PCDHA4: variants seen among roughly 807,000 people sequenced by gnomAD.
PCDHA4 encodes protocadherin alpha 4.
In PCDHA4, 49 loss-of-function variants were observed where a neutral mutation model predicts 61.4. The observed-to-expected ratio is 0.80, with a 90% CI of 0.63 to 1.01. The LOEUF (loss-of-function observed/expected upper bound fraction) is 1.01, where lower values mean the gene tolerates loss of function less well. PCDHA4 is among the 50% of genes least tolerant of loss of function. PCDHA4 has a pLI of 0.00. For synonymous variants in PCDHA4, 590 were observed against 550.3 expected, an observed-to-expected ratio of 1.07 and a Z score of -1.01; for missense variants, 1,254 against 1,235.8, an observed-to-expected ratio of 1.01 and a Z score of -0.22.
intron 1 of PCDHA4, among the ~76,000 whole-genome samples, chr5:140,818,143 A>G (rs1554127393): frequency 6.6e-6 from 1 of 152,256 alleles, no homozygotes; most frequent in African/African-American, 2.4e-5. Context: ...GTATGCCTTC[A>G]AATACGGCTT....
chr5:140,824,247 C>A (rs1379279128), intron 1 of PCDHA4: 2 of 1,431,764 alleles, frequency 1.4e-6, no homozygotes, highest in South Asian at 1.2e-5. Flanking sequence ...TTGTGGTACA[C>A]AATTATTGCA....
At position 140,814,356 on chromosome 5, in the gene PCDHA4, C is replaced by T. The variant is rs2150035984; in HGVS notation, c.2385+4784C>T. On this transcript the variant is annotated intron_variant, in intron 1 of 3. Transcript: ENST00000530339. ...TGGAAGGTCTTCTGGGGCAGTTACA[C>T]ATGCGATGCTATCATCTCCTATGAT... 1.3e-5 allele frequency: 2 copies of T among 152,124 alleles called. 1 individual carries two copies. Among genetic ancestry groups the T allele is most frequent in the African/African-American group, 4.8e-5 (2 of 41,516 alleles). 9.4% of individuals were successfully genotyped at this position (152,124 alleles called of 1,614,324 possible). A position where few individuals can be genotyped will look rare whatever the true frequency, so the allele number is the denominator to read the frequency against.
At chr5:140,875,931 T>C in intron 1 of PCDHA4, 1 of 1,614,176 alleles carries the variant, frequency 6.2e-7, no homozygotes, top group South Asian at 1.1e-5. Flanking sequence ...CTCATTTTCC[T>C]CTAGAGGGCG....
At position 140,829,707 on chromosome 5, in the gene PCDHA4, AC is replaced by A. The variant is rs2150172944; in HGVS notation, c.2385+20136del. On this transcript the variant is annotated intron_variant, in intron 1 of 3. Transcript: ENST00000530339. ...CTGCAGTTTCAGGTGAGCGCGCGCG[AC>A]GCGGGCGTGCCGCCTCTGGGCAGCA... is the stretch of plus-strand genomic sequence containing the variant. 3.1e-6 allele frequency: 5 copies of A among 1,613,270 alleles called. No individual in the cohort carries two copies. In the East Asian group the frequency reaches 1.1e-4, roughly 36 times the overall value.
intron 1 of PCDHA4, among the ~76,000 whole-genome samples, chr5:140,919,099 C>T (rs972213897): frequency 4.6e-5 from 7 of 152,126 alleles, no homozygotes; most frequent in Non-Finnish European, 7.4e-5. Context: ...CTATTTCTCC[C>T]TTCATTTCTG....
chr5:140,903,275 T>A (rs1313552617), intron 1 of PCDHA4, among the ~76,000 whole-genome samples: 1 of 152,210 alleles, frequency 6.6e-6, no homozygotes, highest in East Asian at 1.9e-4. Flanking sequence ...TGAGGTAGTG[T>A]CTCATTGTGC....
intron 1 of PCDHA4, among the ~76,000 whole-genome samples, chr5:140,947,967 T>C (rs565128955): frequency 1.2e-4 from 18 of 151,462 alleles, no homozygotes; most frequent in Non-Finnish European, 2.2e-4. Flanking sequence ...ATTAAGTATG[T>C]GCTACTCATA....
chr5:140,812,388 C>T (rs2126638236), intron 1 of PCDHA4: 2 of 152,014 alleles, frequency 1.3e-5, no homozygotes, highest in Non-Finnish European at 2.9e-5. Flanking sequence ...TTTTCTTAGT[C>T]TAGCTAAGGG....
intron 1 of PCDHA4, chr5:140,834,307 G>C: frequency 7.5e-7 from 1 of 1,341,606 alleles, no homozygotes; most frequent in South Asian, 1.4e-5. Flanking sequence ...CATCGAGATT[G>C]AAATGAAGGG....
rs145079458 is a variant in PCDHA4, at chr5:140,855,999, T to C, written c.2385+46427T>C. 135 of 1,513,714 alleles carry C rather than the reference T, an allele frequency of 8.9e-5. 2 individuals are homozygous for C. The East Asian group carries it at 2.5e-3, about 28-fold the overall frequency. 93.8% of individuals were successfully genotyped at this position (1,513,714 alleles called of 1,614,324 possible). On this transcript the variant is annotated intron_variant, in intron 1 of 3. Transcript: ENST00000530339. ...AGGACAGAAAATGTCAGATCGTATG[T>C]GCGTTCTAGACCGCTGATTCGTCGA... is the stretch of plus-strand genomic sequence containing the variant.
rs2150354067 is a variant in PCDHA4 at position 140,843,158 on chromosome 5, C to A, written c.2385+33586C>A. On this transcript the variant is annotated intron_variant, in intron 1 of 3. Transcript: ENST00000530339. ...CGCGTGGCTTTCGTATGAGCTGCAG[C>A]CAGCTGCAAGCAGCCCTCGCATCCC... is the stretch of plus-strand genomic sequence containing the variant. The A allele has an allele frequency of 1.0e-4, 163 of 1,596,026 alleles. 13 individuals carry two copies. In the South Asian group the frequency reaches 1.7e-3, roughly 16 times the overall value.
chr5:140,845,010 T>G (rs2150375748), intron 1 of PCDHA4, among the ~76,000 whole-genome samples: 12 of 149,368 alleles, frequency 8.0e-5, no homozygotes, highest in Non-Finnish European at 1.0e-4. Context: ...GAACAAATAA[T>G]GTAATCATTT....
chr5:140,979,146 TC>T (rs2096836943), intron 2 of PCDHA4, 139 bp downstream of exon 2: 2 of 1,444,078 alleles, frequency 1.4e-6, no homozygotes, highest in African/African-American at 2.9e-5. Context: ...AATTATTTTG[TC>T]CCCATGTTTA....
intron 1 of PCDHA4, among the ~76,000 whole-genome samples, chr5:140,961,529 T>C (rs1208334511): frequency 2.6e-5 from 4 of 152,244 alleles, no homozygotes; most frequent in Admixed American, 1.3e-4. Flanking sequence ...AAATTCTAGA[T>C]AGACTGTTCC....
chr5:140,837,248 CTTTT>C (rs1379591542), intron 1 of PCDHA4: 2 of 152,172 alleles, frequency 1.3e-5, no homozygotes, highest in African/African-American at 2.4e-5. Flanking sequence ...TATTTATCTT[CTTTT>C]TATCATATTT....
chr5:140,808,155 T>G lies in PCDHA4; in HGVS notation c.968T>G (p.Ile323Ser). ...SKSYEIIVEG[I>S]DKGQLPLSGH... Reference sequence around the variant, plus strand: ...TCCTATGAAATTATTGTAGAGGGCATTGATAAGGGACAGCTCCCACTTTCT... The same window carrying G: ...TCCTATGAAATTATTGTAGAGGGCAGTGATAAGGGACAGCTCCCACTTTCT... The change falls in exon 1 of 4, where the codon ATT (isoleucine) becomes AGT (serine). Residue 323 changes from isoleucine to serine, a missense_variant. By Grantham distance (142) the Ile-to-Ser change is moderately radical. Coordinates refer to ENST00000530339, the MANE Select transcript of PCDHA4 (RefSeq NM_018907.4). 1.2e-6 allele frequency: 2 copies of G among 1,614,186 alleles called. No homozygotes were observed. The highest frequency in any genetic ancestry group is 1.7e-6 in the Non-Finnish European group (2 of 1,179,994).
chr5:140,944,853 C>T (rs1230548858), intron 1 of PCDHA4, among the ~76,000 whole-genome samples: 1 of 152,118 alleles, frequency 6.6e-6, no homozygotes, highest in East Asian at 1.9e-4. Context: ...TTAGAATCAT[C>T]CTTATTTATC....
intron 1 of PCDHA4, among the ~76,000 whole-genome samples, chr5:140,905,708 C>T (rs1372981287): frequency 1.1e-4 from 16 of 152,092 alleles, no homozygotes; most frequent in Non-Finnish European, 1.6e-4. Context: ...TTATGATTTC[C>T]TTCAGCAGTG....
intron 1 of PCDHA4, among the ~76,000 whole-genome samples, chr5:140,956,940 T>G (rs1446313251): frequency 6.7e-6 from 1 of 150,168 alleles, no homozygotes; most frequent in Non-Finnish European, 1.5e-5. Flanking sequence ...AGGATAAAAT[T>G]TACATTAAAA....
Sources: allele counts gnomAD v4.1 joint callset (sites outside exome capture counted in the v4.1 genomes callset), GRCh38; gene constraint gnomAD v4.1.1; transcripts MANE v1.5; gene names NCBI Gene and HGNC (gene_info 2026-07-23, HGNC 2026-07-21).